The following RIC1 variants were observed in gnomAD, a reference collection of about 807,000 sequenced individuals.
The protein encoded by RIC1 is guanine nucleotide exchange factor subunit RIC1.
A neutral mutation model predicts 169.0 loss-of-function variants in RIC1; 88 were observed. The ratio of observed to expected loss-of-function variants is 0.52; its 90% confidence interval spans 0.44 to 0.62. RIC1 has a LOEUF of 0.62. Among genes scored for constraint, RIC1 ranks in the 20% least tolerant of loss-of-function variants. The probability of loss-of-function intolerance (pLI) is 0.00; values close to 1 mark genes in which losing one functional copy is unlikely to be tolerated. For missense variants in RIC1, 1,877 were observed against 1,725.5 expected (o/e 1.09, Z -1.56); for synonymous variants, 790 against 601.5 (o/e 1.31, Z -4.59).
At chr9:5,667,430 A>T (rs188868222) in intron 2 of RIC1, among the ~76,000 whole-genome samples, 23 of 148,922 alleles carry the variant, frequency 1.5e-4, no homozygotes, top group African/African-American at 5.7e-4. Flanking sequence ...CTTCGGGATT[A>T]CTTTGCTCTT....
At chr9:5,678,620 G>A (rs1455275565) in intron 2 of RIC1, among the ~76,000 whole-genome samples, 1 of 152,034 alleles carries the variant, frequency 6.6e-6, no homozygotes, top group African/African-American at 2.4e-5. Context: ...ATTTTTTCAT[G>A]TGTTTTTTGG....
At chr9:5,670,915 T>A (rs998770183) in intron 2 of RIC1, among the ~76,000 whole-genome samples, 1 of 152,108 alleles carries the variant, frequency 6.6e-6, no homozygotes, top group Non-Finnish European at 1.5e-5. Flanking sequence ...TGGAAAATGG[T>A]CTTCATGTCG....
At chr9:5,705,729 C>G (rs566132094) in intron 3 of RIC1, among the ~76,000 whole-genome samples, 2 of 152,338 alleles carry the variant, frequency 1.3e-5, no homozygotes, top group East Asian at 3.9e-4. Context: ...GGAAAACTTT[C>G]AGTCAGTAAA....
intron 2 of RIC1, among the ~76,000 whole-genome samples, chr9:5,666,688 A>G (rs1819786126): frequency 6.6e-6 from 1 of 152,116 alleles, no homozygotes; most frequent in Admixed American, 6.5e-5. Context: ...TCATTGATTG[A>G]TTTTCCTACA....
chr9:5,726,066 G>C (rs923289141), intron 6 of RIC1, among the ~76,000 whole-genome samples: 1 of 152,180 alleles, frequency 6.6e-6, no homozygotes, highest in Non-Finnish European at 1.5e-5. Flanking sequence ...ATGTCTATTA[G>C]GACCACTTGG....
chr9:5,689,272 T>C (rs1029273265), intron 2 of RIC1, among the ~76,000 whole-genome samples: 16 of 151,934 alleles, frequency 1.1e-4, no homozygotes, highest in East Asian at 1.9e-4. Context: ...AGAATGGTCT[T>C]GATCTCCTGA....
intron 3 of RIC1, among the ~76,000 whole-genome samples, chr9:5,694,065 G>A (rs892131176): frequency 6.6e-6 from 1 of 151,966 alleles, no homozygotes; most frequent in Non-Finnish European, 1.5e-5. Flanking sequence ...AATTTCATCA[G>A]ATGGCAATAC....
At chr9:5,766,394 G>T (rs1826757151) in intron 21 of RIC1, among the ~76,000 whole-genome samples, 1 of 152,100 alleles carries the variant, frequency 6.6e-6, no homozygotes. Context: ...GTGGTATTTG[G>T]TTACATTAAT....
intron 1 of RIC1, among the ~76,000 whole-genome samples, chr9:5,634,604 A>G (rs967571333): frequency 1.3e-5 from 2 of 151,930 alleles, no homozygotes; most frequent in East Asian, 3.9e-4. Context: ...TTCCTTACAT[A>G]TCTTGAATAT....
chr9:5,732,063 A>G (rs1015972771), intron 6 of RIC1, among the ~76,000 whole-genome samples: 11 of 152,250 alleles, frequency 7.2e-5, no homozygotes, highest in African/African-American at 2.7e-4. Context: ...CGCTGTCAAA[A>G]TGTTTACATT....
intron 1 of RIC1, among the ~76,000 whole-genome samples, chr9:5,636,513 T>C (rs754846056): frequency 3.9e-5 from 6 of 152,046 alleles, no homozygotes; most frequent in Non-Finnish European, 7.4e-5. Flanking sequence ...AGAGACAGGG[T>C]TTCACCATGT....
At chr9:5,738,132 A>G (rs919039330) in intron 7 of RIC1, among the ~76,000 whole-genome samples, 1 of 152,220 alleles carries the variant, frequency 6.6e-6, no homozygotes, top group Non-Finnish European at 1.5e-5. Context: ...CATATGTACT[A>G]TAGCCAAATA....
At chr9:5,764,006 A>C in intron 19 of RIC1, 138 bp downstream of exon 19, 1 of 961,616 alleles carries the variant, frequency 1.0e-6, no homozygotes. Context: ...AATTTGGAAG[A>C]ATTCAGACAG....
chr9:5,678,138 G>T (rs1169702805), intron 2 of RIC1, among the ~76,000 whole-genome samples: 2 of 150,062 alleles, frequency 1.3e-5, no homozygotes, highest in African/African-American at 4.9e-5. Context: ...GAGAATGATG[G>T]TTTCCAGCTT....
In RIC1 at chr9:5,753,520, T is replaced by C. The variant is rs1490640515; in HGVS notation, c.1492-16T>C. On this transcript the variant is annotated splice_polypyrimidine_tract_variant and intron_variant, in intron 13 of 25. Coordinates refer to ENST00000414202, the MANE Select transcript of RIC1 (RefSeq NM_020829.4). ...TAGGTTTGCAAGGAAAAGTTCTTAT[T>C]TTTTTTTTTAAACAGTTTTCAGCTA... 1 of 1,518,500 alleles carries C rather than the reference T, an allele frequency of 6.6e-7. No homozygotes were observed. Among genetic ancestry groups the C allele is most frequent in the Non-Finnish European group, 9.0e-7 (1 of 1,112,844 alleles). The allele number at this position is 1,518,500 out of a possible 1,614,324, so 94.1% of individuals were successfully genotyped here.
intron 2 of RIC1, among the ~76,000 whole-genome samples, chr9:5,657,637 G>A (rs770065355): frequency 5.1e-4 from 77 of 152,048 alleles, no homozygotes; most frequent in Non-Finnish European, 2.2e-4. Context: ...ATCTCTTTGC[G>A]TTGGTCCCTT....
chr9:5,745,982 C>G lies in RIC1; in HGVS notation c.1147C>G (p.Gln383Glu), dbSNP rs2130996298. 1.2e-6 allele frequency: 2 copies of G among 1,613,700 alleles called. No individual in the cohort carries two copies. Among genetic ancestry groups the G allele is most frequent in the African/African-American group, 2.7e-5 (2 of 75,022 alleles). The change falls in exon 11 of 26, where the codon CAA (glutamine) becomes GAA (glutamate). Residue 383 changes from glutamine to glutamate, a missense_variant. Physicochemically the swap from Gln to Glu is conservative, Grantham distance 29. Transcript: ENST00000414202. ...HLWVISGFGS[Q>E]NTEIESDLRS... The stretch of plus-strand genomic sequence containing the variant: ...ATGGGTAATCAGCGGATTTGGTTCT[C>G]AAAACACTGAAATTGAGTCTGACCT...
chr9:5,682,653 C>T (rs1048938648), intron 2 of RIC1, among the ~76,000 whole-genome samples: 1 of 152,060 alleles, frequency 6.6e-6, no homozygotes, highest in African/African-American at 2.4e-5. Flanking sequence ...TTGCTCTTCT[C>T]AAGGAGTATC....
chr9:5,676,655 C>G (rs1218731599), intron 2 of RIC1, among the ~76,000 whole-genome samples: 1 of 152,162 alleles, frequency 6.6e-6, no homozygotes, highest in Admixed American at 6.5e-5. Flanking sequence ...AAAGAAATCT[C>G]ACTGGCACTT....
Sources: allele counts gnomAD v4.1 joint callset (sites outside exome capture counted in the v4.1 genomes callset), GRCh38; gene constraint gnomAD v4.1.1; transcripts MANE v1.5; gene names NCBI Gene and HGNC (gene_info 2026-07-23, HGNC 2026-07-21).